Variants in AFG1L observed in about 807,000 individuals in gnomAD.
The protein encoded by AFG1L is AFG1-like ATPase.
AFG1L carries 53 observed loss-of-function variants against 62.2 expected under a neutral mutation model. That is an observed-to-expected ratio of 0.85 (90% confidence interval 0.68 to 1.07). AFG1L has a LOEUF of 1.07. AFG1L is among the 50% of genes least tolerant of loss of function. AFG1L has a pLI of 0.00. For missense variants in AFG1L, 555 were observed against 590.5 expected, an observed-to-expected ratio of 0.94 and a Z score of 0.62; for synonymous variants, 228 against 210.3, an observed-to-expected ratio of 1.08 and a Z score of -0.73.
chr6:108,315,477 C>T (rs890485419), intron 1 of AFG1L, among the ~76,000 whole-genome samples: 2 of 152,208 alleles, frequency 1.3e-5, no homozygotes, highest in Admixed American at 6.5e-5. Flanking sequence ...ATGTAAAACA[C>T]CTAAGTATTT....
rs907251649 is a variant in AFG1L at position 108,377,010 on chromosome 6, G to A, written c.748+10678G>A. Among the ~76,000 whole-genome samples, 12 of 151,840 alleles carry A rather than the reference G, an allele frequency of 7.9e-5. 1 individual carries two copies. The South Asian group carries it at 8.3e-4, about 11-fold the overall frequency. ...ATGCCCTTCTTTGTATGTTTTTGCC[G>A]TTGTTGGTTTAAAGTCTATTTAATC... On this transcript the variant is annotated intron_variant, in intron 6 of 12. Coordinates refer to ENST00000368977, the MANE Select transcript of AFG1L (RefSeq NM_145315.5).
chr6:108,401,291 C>T (rs1421041968), intron 6 of AFG1L, among the ~76,000 whole-genome samples: 2 of 151,624 alleles, frequency 1.3e-5, no homozygotes, highest in Non-Finnish European at 1.5e-5. Context: ...TAGAGGCGCC[C>T]GCCACCGCGC....
intron 7 of AFG1L, among the ~76,000 whole-genome samples, chr6:108,424,973 A>T (rs1770749498): frequency 6.6e-6 from 1 of 152,132 alleles, no homozygotes; most frequent in African/African-American, 2.4e-5. Context: ...TTCCTAAGAA[A>T]ACTGGACAAA....
chr6:108,395,092 T>G (rs1781231697), intron 6 of AFG1L, among the ~76,000 whole-genome samples: 2 of 152,182 alleles, frequency 1.3e-5, no homozygotes. Context: ...CATTCCTAAA[T>G]AAAATTTTTA....
chr6:108,300,905 C>T (rs1013751951), intron 1 of AFG1L, among the ~76,000 whole-genome samples: 9 of 152,284 alleles, frequency 5.9e-5, no homozygotes, highest in African/African-American at 1.9e-4. Context: ...ATCTCCTGAC[C>T]TTGTGATCCG....
chr6:108,394,420 A>G (rs1159132794), intron 6 of AFG1L, among the ~76,000 whole-genome samples: 1 of 151,778 alleles, frequency 6.6e-6, no homozygotes, highest in Non-Finnish European at 1.5e-5. Context: ...AAGGGATGGA[A>G]TTACAGGCAT....
At chr6:108,306,011 C>G (rs1244278981) in intron 1 of AFG1L, among the ~76,000 whole-genome samples, 3 of 152,170 alleles carry the variant, frequency 2.0e-5, no homozygotes, top group African/African-American at 7.2e-5. Flanking sequence ...TCAAGTGATT[C>G]TCCTGCCTCA....
chr6:108,389,355 T>C (rs1780939946), intron 6 of AFG1L, among the ~76,000 whole-genome samples: 1 of 152,214 alleles, frequency 6.6e-6, no homozygotes, highest in Non-Finnish European at 1.5e-5. Flanking sequence ...TGTCTTTTAA[T>C]TGGAGCATTT....
intron 7 of AFG1L, among the ~76,000 whole-genome samples, chr6:108,428,862 CACA>C (rs1770941313): frequency 6.6e-6 from 1 of 151,954 alleles, no homozygotes; most frequent in Non-Finnish European, 1.5e-5. Flanking sequence ...CCTTGTTAGA[CACA>C]TAGTTTATGG....
At chr6:108,359,131 TG>T (rs1476362594) in intron 5 of AFG1L, 5 of 152,220 alleles carry the variant, frequency 3.3e-5, no homozygotes, top group Admixed American at 2.0e-4. Flanking sequence ...ATAGTCGTAA[TG>T]TTTTTTTAAT....
intron 10 of AFG1L, among the ~76,000 whole-genome samples, chr6:108,493,220 T>C (rs190054458): frequency 6.6e-6 from 1 of 152,196 alleles, no homozygotes; most frequent in African/African-American, 2.4e-5. Flanking sequence ...ACTCCAAAGC[T>C]TAAACCTCTG....
At chr6:108,515,627 A>C (rs1774848913) in intron 11 of AFG1L, among the ~76,000 whole-genome samples, 1 of 152,230 alleles carries the variant, frequency 6.6e-6, no homozygotes, top group Non-Finnish European at 1.5e-5. Flanking sequence ...AAAAGCTAGC[A>C]GAAGGCAAGA....
At chr6:108,513,458 G>A (rs1306970817) in intron 11 of AFG1L, among the ~76,000 whole-genome samples, 1 of 152,232 alleles carries the variant, frequency 6.6e-6, no homozygotes, top group Admixed American at 6.5e-5. Context: ...GGCACACCAG[G>A]AGATTATATC....
chr6:108,413,620 A>G (rs1417121053), intron 7 of AFG1L, among the ~76,000 whole-genome samples: 1 of 152,334 alleles, frequency 6.6e-6, no homozygotes, highest in Non-Finnish European at 1.5e-5. Context: ...AACTCACTCA[A>G]AACCACTCAA....
At chr6:108,300,441 C>T (rs1301784420) in intron 1 of AFG1L, among the ~76,000 whole-genome samples, 3 of 152,168 alleles carry the variant, frequency 2.0e-5, no homozygotes, top group African/African-American at 7.2e-5. Flanking sequence ...TGTGAGCCAC[C>T]AGACCCATCC....
At chr6:108,427,881 ATTGCTCTTT>A (rs1770897991) in intron 7 of AFG1L, among the ~76,000 whole-genome samples, 1 of 152,182 alleles carries the variant, frequency 6.6e-6, no homozygotes, top group African/African-American at 2.4e-5. Context: ...ATTTTGTCAT[ATTGCTCTTT>A]ACTTGTGTAT....
chr6:108,381,560 T>C (rs1339068096), intron 6 of AFG1L, among the ~76,000 whole-genome samples: 2 of 151,866 alleles, frequency 1.3e-5, no homozygotes, highest in Non-Finnish European at 1.5e-5. Context: ...CTGGACAACA[T>C]AGGAAGACCT....
At chr6:108,366,149 A>G (rs984681151) in intron 5 of AFG1L, 84 bp from the exon 6 acceptor site, 76 of 735,078 alleles carry the variant, frequency 1.0e-4, no homozygotes, top group Non-Finnish European at 1.5e-4. Flanking sequence ...ATTTACTTCC[A>G]TCTTAAAAAA....
At chr6:108,387,786 T>C (rs756161722) in intron 6 of AFG1L, 3 of 152,218 alleles carry the variant, frequency 2.0e-5, no homozygotes, top group Non-Finnish European at 2.9e-5. Context: ...GACAAATGTG[T>C]GCTATTATCA....
Sources: allele counts gnomAD v4.1 joint callset (sites outside exome capture counted in the v4.1 genomes callset), GRCh38; gene constraint gnomAD v4.1.1; transcripts MANE v1.5; gene names NCBI Gene and HGNC (gene_info 2026-07-23, HGNC 2026-07-21).